ZHX2: variants seen among roughly 807,000 people sequenced by gnomAD.
ZHX2 encodes the protein zinc fingers and homeoboxes 2.
ZHX2 carries 6 observed loss-of-function variants against 21.9 expected under a neutral mutation model. That is an observed-to-expected ratio of 0.27 (90% CI 0.15 to 0.54). The LOEUF is 0.54. Among genes scored for constraint, ZHX2 ranks in the 20% least tolerant of loss-of-function variants. The pLI is 0.95. For synonymous variants in ZHX2, 434 were observed against 437.1 expected, an observed-to-expected ratio of 0.99 and a Z score of 0.09; for missense variants, 908 against 1,090.7, an observed-to-expected ratio of 0.83 and a Z score of 2.36.
chr8:122,826,088 G>A (rs1484888464), intron 1 of ZHX2, among the ~76,000 whole-genome samples: 1 of 152,186 alleles, frequency 6.6e-6, no homozygotes, highest in African/African-American at 2.4e-5. Context: ...CTTGAGCCTA[G>A]TGGCATCAGC....
At chr8:122,817,118 G>A (rs888974251) in intron 1 of ZHX2, among the ~76,000 whole-genome samples, 6 of 152,216 alleles carry the variant, frequency 3.9e-5, no homozygotes, top group African/African-American at 1.4e-4. Context: ...TCACGTGATC[G>A]TAGCTAACTG....
At chr8:122,855,637 G>A (rs1356691340) in intron 1 of ZHX2, among the ~76,000 whole-genome samples, 8 of 151,988 alleles carry the variant, frequency 5.3e-5, no homozygotes, top group Non-Finnish European at 1.0e-4. Flanking sequence ...ACATTTATGC[G>A]CTCACACACA....
At chr8:122,920,767 A>G (rs1320876212) in intron 2 of ZHX2, among the ~76,000 whole-genome samples, 1 of 152,178 alleles carries the variant, frequency 6.6e-6, no homozygotes, top group Non-Finnish European at 1.5e-5. Context: ...TGAGAGGTAG[A>G]GAGCTGCATT....
intron 2 of ZHX2, among the ~76,000 whole-genome samples, chr8:122,889,429 G>A (rs986030015): frequency 1.3e-5 from 2 of 152,160 alleles, no homozygotes; most frequent in African/African-American, 4.8e-5. Context: ...TCTAACTAGG[G>A]TGAGGTGATT....
At chr8:122,947,563 A>T (rs1298104672) in intron 2 of ZHX2, among the ~76,000 whole-genome samples, 1 of 152,232 alleles carries the variant, frequency 6.6e-6, no homozygotes, top group African/African-American at 2.4e-5. Flanking sequence ...TCCTCTTTTA[A>T]CCACAAAACA....
At chr8:122,799,886 G>A (rs1048378824) in intron 1 of ZHX2, among the ~76,000 whole-genome samples, 4 of 151,514 alleles carry the variant, frequency 2.6e-5, no homozygotes, top group East Asian at 1.9e-4. Context: ...TTTTTGAGAT[G>A]GAGTTTCACT....
intron 1 of ZHX2, among the ~76,000 whole-genome samples, chr8:122,860,214 A>C (rs1819129543): frequency 6.6e-6 from 1 of 152,214 alleles, no homozygotes; most frequent in Admixed American, 6.5e-5. Context: ...ACTCACTATC[A>C]TGAGAACAGC....
intron 1 of ZHX2, among the ~76,000 whole-genome samples, chr8:122,853,334 A>G (rs75320558): frequency 0.13 from 19,500 of 152,236 alleles, 1,633 homozygotes; most frequent in Middle Eastern, 0.25. Flanking sequence ...CAGTGTTATG[A>G]TGCCCATTGT....
chr8:122,907,888 G>GT (rs1563776775), intron 2 of ZHX2, among the ~76,000 whole-genome samples: 1 of 152,102 alleles, frequency 6.6e-6, no homozygotes, highest in Non-Finnish European at 1.5e-5. Flanking sequence ...TACAGTAGGG[G>GT]TTTTTTTGTT....
chr8:122,825,539 G>A (rs1309505950), intron 1 of ZHX2, among the ~76,000 whole-genome samples: 1 of 152,176 alleles, frequency 6.6e-6, no homozygotes, highest in African/African-American at 2.4e-5. Flanking sequence ...AGGCCTCTCT[G>A]AGGTCAAGAG....
intron 1 of ZHX2, among the ~76,000 whole-genome samples, chr8:122,838,439 G>C (rs754011910): frequency 9.9e-5 from 15 of 152,166 alleles, no homozygotes; most frequent in Non-Finnish European, 1.8e-4. Flanking sequence ...TTATACAGCA[G>C]AAAACTGGGA....
At chr8:122,835,282 G>C (rs933021189) in intron 1 of ZHX2, among the ~76,000 whole-genome samples, 1 of 152,246 alleles carries the variant, frequency 6.6e-6, no homozygotes, top group Non-Finnish European at 1.5e-5. Context: ...AAGTAAGGGC[G>C]GGGCATGGGC....
At chr8:122,825,124 A>G (rs1204680868) in intron 1 of ZHX2, among the ~76,000 whole-genome samples, 1 of 152,218 alleles carries the variant, frequency 6.6e-6, no homozygotes, top group African/African-American at 2.4e-5. Flanking sequence ...GTGAGGGAAC[A>G]TAACTGCAAG....
chr8:122,826,396 T>A (rs915884982), intron 1 of ZHX2, among the ~76,000 whole-genome samples: 1 of 152,236 alleles, frequency 6.6e-6, no homozygotes, highest in African/African-American at 2.4e-5. Context: ...TTAAGGCTCA[T>A]GATACCCAGT....
chr8:122,947,702 T>C (rs1313830822), intron 2 of ZHX2, among the ~76,000 whole-genome samples: 3 of 152,066 alleles, frequency 2.0e-5, no homozygotes, highest in African/African-American at 7.2e-5. Flanking sequence ...TGTGGGAGGC[T>C]GACTTTTCAA....
At chr8:122,946,554 C>T (rs1586412481) in intron 2 of ZHX2, among the ~76,000 whole-genome samples, 1 of 152,118 alleles carries the variant, frequency 6.6e-6, no homozygotes, top group African/African-American at 2.4e-5. Flanking sequence ...CCACTATTCA[C>T]CTCATTTCGG....
chr8:122,833,874 G>A (rs1459649552), intron 1 of ZHX2, among the ~76,000 whole-genome samples: 1 of 152,068 alleles, frequency 6.6e-6, no homozygotes, highest in Non-Finnish European at 1.5e-5. Flanking sequence ...GTGGGCGCCT[G>A]TAGTCCCAGC....
At chr8:122,792,782 G>T (rs556119096) in intron 1 of ZHX2, among the ~76,000 whole-genome samples, 4 of 152,252 alleles carry the variant, frequency 2.6e-5, no homozygotes, top group Non-Finnish European at 1.5e-5. Context: ...AGCAAATGAG[G>T]TACCCAGCGT....
Position 122,885,876 on chromosome 8 carries a change from G to A in ZHX2, c.-220+22337G>A, listed in dbSNP as rs1344467447. ...CCATAGTCTGTAGCCCTGGCTGTGT[G>A]GCCTAGTGGGCTCTGCTAGTGTCTA... On this transcript the variant is annotated intron_variant, in intron 2 of 3. Coordinates refer to ENST00000314393, the MANE Select transcript of ZHX2 (RefSeq NM_014943.5). Among the ~76,000 whole-genome samples the A allele has an allele frequency of 2.0e-5, 3 of 152,256 alleles. No homozygotes were observed. In the South Asian group the frequency reaches 6.2e-4, roughly 32 times the overall value.
Sources: gnomAD v4.1 joint callset for allele counts (sites outside exome capture counted in the v4.1 genomes callset) on GRCh38, gnomAD v4.1.1 for gene constraint, MANE v1.5 for transcripts, NCBI Gene and HGNC (gene_info 2026-07-23, HGNC 2026-07-21) for gene names.